Variants in PPARG observed in about 807,000 individuals in gnomAD.
PPARG encodes peroxisome proliferator-activated receptor gamma.
PPARG carries 17 observed loss-of-function variants against 39.2 expected under a neutral mutation model. The ratio of observed to expected loss-of-function variants is 0.43; its 90% CI spans 0.30 to 0.65. PPARG has a LOEUF of 0.65. PPARG is among the 30% of genes least tolerant of loss of function. The pLI, the probability that PPARG is intolerant of heterozygous loss-of-function variation, is 0.13. For missense variants in PPARG, 406 were observed against 585.9 expected (o/e 0.69, Z 3.17); for synonymous variants, 223 against 215.7 (o/e 1.03, Z -0.30).
intron 4 of PPARG, among the ~76,000 whole-genome samples, chr3:12,383,599 A>G (rs2049765408): frequency 6.6e-6 from 1 of 152,222 alleles, no homozygotes; most frequent in Non-Finnish European, 1.5e-5. Context: ...AAATAAAAAC[A>G]GCATGGTTGG....
chr3:12,404,719 G>A (rs187650670), intron 5 of PPARG, among the ~76,000 whole-genome samples: 5 of 152,132 alleles, frequency 3.3e-5, no homozygotes, highest in African/African-American at 4.8e-5. Context: ...CAGGAGAATC[G>A]CTTGAACCCA....
chr3:12,355,019 C>T (rs1298924756), intron 2 of PPARG, among the ~76,000 whole-genome samples: 1 of 152,048 alleles, frequency 6.6e-6, no homozygotes, highest in Non-Finnish European at 1.5e-5. Context: ...ATTCTTTGGG[C>T]CTAAATAAAA....
chr3:12,302,573 T>C (rs374232807), intron 1 of PPARG, among the ~76,000 whole-genome samples: 33 of 152,214 alleles, frequency 2.2e-4, no homozygotes, highest in Non-Finnish European at 3.1e-4. Flanking sequence ...AGAAAATAAT[T>C]TCCAGTATAA....
intron 6 of PPARG, among the ~76,000 whole-genome samples, chr3:12,408,567 C>CTTTT (rs397945616): frequency 3.2e-4 from 36 of 113,224 alleles, no homozygotes; most frequent in Non-Finnish European, 4.0e-4. Flanking sequence ...CTTTTCTTTT[C>CTTTT]TTTTTTTTTT....
At chr3:12,375,051 A>G (rs67901221) in intron 2 of PPARG, among the ~76,000 whole-genome samples, 21,252 of 152,202 alleles carry the variant, frequency 0.14, 1,649 homozygotes, top group Admixed American at 0.22. Flanking sequence ...AAATTTCCAC[A>G]ATGTAATACA....
At chr3:12,354,586 T>C (rs1299801992) in intron 2 of PPARG, among the ~76,000 whole-genome samples, 1 of 152,020 alleles carries the variant, frequency 6.6e-6, no homozygotes, top group African/African-American at 2.4e-5. Flanking sequence ...ACCCTGTCTC[T>C]ACTAAAAATA....
chr3:12,355,403 T>C (rs1489221881), intron 2 of PPARG, among the ~76,000 whole-genome samples: 25 of 152,216 alleles, frequency 1.6e-4, no homozygotes, highest in Non-Finnish European at 3.5e-4. Context: ...CCCAAAGTGC[T>C]GGGATTACAG....
chr3:12,365,707 A>C (rs989433880), intron 2 of PPARG, among the ~76,000 whole-genome samples: 1 of 152,074 alleles, frequency 6.6e-6, no homozygotes, highest in Non-Finnish European at 1.5e-5. Context: ...AGATCAGCTG[A>C]CTACATTTAT....
intron 6 of PPARG, 49 bp downstream of exon 6, chr3:12,406,130 G>A: frequency 6.3e-7 from 1 of 1,576,864 alleles, no homozygotes; most frequent in East Asian, 2.3e-5. Context: ...AAGTTGTTTT[G>A]GGTTTTTGTT....
chr3:12,318,203 GC>G (rs1231074478), intron 2 of PPARG, among the ~76,000 whole-genome samples: 1 of 152,074 alleles, frequency 6.6e-6, no homozygotes, highest in Non-Finnish European at 1.5e-5. Context: ...CAAACGTCTG[GC>G]CTCAAGCAAT....
intron 4 of PPARG, among the ~76,000 whole-genome samples, chr3:12,381,889 G>C (rs1379015184): frequency 6.6e-6 from 1 of 152,158 alleles, no homozygotes; most frequent in Non-Finnish European, 1.5e-5. Flanking sequence ...CTGGAACCAG[G>C]ATGCAGATTT....
intron 7 of PPARG, among the ~76,000 whole-genome samples, chr3:12,418,934 G>T (rs576688646): frequency 2.6e-5 from 4 of 151,982 alleles, no homozygotes; most frequent in Admixed American, 6.6e-5. Flanking sequence ...TGTTGTTGTT[G>T]TTGTTTGTTT....
At chr3:12,337,838 T>C (rs970899691) in intron 2 of PPARG, among the ~76,000 whole-genome samples, 3 of 152,208 alleles carry the variant, frequency 2.0e-5, no homozygotes, top group Non-Finnish European at 4.4e-5. Flanking sequence ...ACTATTTACA[T>C]AGCATTACAT....
intron 2 of PPARG, among the ~76,000 whole-genome samples, chr3:12,334,341 G>A (rs1344952506): frequency 6.6e-6 from 1 of 150,560 alleles, no homozygotes; most frequent in Non-Finnish European, 1.5e-5. Context: ...AACAATTCTC[G>A]TGCCTCAGTC....
chr3:12,381,707 G>A (rs957685593), intron 4 of PPARG, among the ~76,000 whole-genome samples: 3 of 150,452 alleles, frequency 2.0e-5, no homozygotes, highest in Non-Finnish European at 4.4e-5. Context: ...CCTCCCAAAG[G>A]ATGATATAAG....
intron 4 of PPARG, among the ~76,000 whole-genome samples, chr3:12,390,897 C>T (rs960290065): frequency 1.3e-5 from 2 of 152,012 alleles, no homozygotes; most frequent in South Asian, 2.1e-4. Flanking sequence ...GCGATCAATC[C>T]GCCTCAGTCT....
intron 2 of PPARG, among the ~76,000 whole-genome samples, chr3:12,333,420 C>G (rs1277680831): frequency 6.6e-6 from 1 of 152,044 alleles, no homozygotes; most frequent in African/African-American, 2.4e-5. Flanking sequence ...TTTCTCTTTC[C>G]ATCTCTGTAT....
upstream of PPARG, chr3:12,287,655 G>T (rs1002619682): frequency 2.6e-5 from 3 of 115,812 alleles, no homozygotes; most frequent in Non-Finnish European, 5.3e-5. Context: ...AGCGGTGGTG[G>T]CGAGGAGCAA....
At chr3:12,385,381 A>G (rs538943733) in intron 4 of PPARG, among the ~76,000 whole-genome samples, 1 of 152,342 alleles carries the variant, frequency 6.6e-6, no homozygotes, top group Non-Finnish European at 1.5e-5. Context: ...TCAGTCAGAC[A>G]GATGAGAATG....
Sources: gnomAD v4.1 joint callset for allele counts (sites outside exome capture counted in the v4.1 genomes callset) on GRCh38, gnomAD v4.1.1 for gene constraint, MANE v1.5 for transcripts, NCBI Gene and HGNC (gene_info 2026-07-23, HGNC 2026-07-21) for gene names.